KCNT2: variants seen among roughly 807,000 people sequenced by gnomAD.
The protein encoded by KCNT2 is potassium sodium-activated channel subfamily T member 2.
Under a neutral mutation model 153.8 loss-of-function variants are expected in KCNT2, and 67 were observed. That is an observed-to-expected ratio of 0.44 (90% confidence interval 0.36 to 0.53). The LOEUF is 0.53. KCNT2 is among the 20% of genes least tolerant of loss of function. The pLI, the probability that KCNT2 is intolerant of heterozygous loss-of-function variation, is 0.00. For synonymous variants in KCNT2, 500 were observed against 458.8 expected, an observed-to-expected ratio of 1.09 and a Z score of -1.15; for missense variants, 975 against 1,354.8, an observed-to-expected ratio of 0.72 and a Z score of 4.40.
At chr1:196,329,016 T>G (rs1329417207) in intron 18 of KCNT2, among the ~76,000 whole-genome samples, 1 of 152,078 alleles carries the variant, frequency 6.6e-6, no homozygotes, top group African/African-American at 2.4e-5. Flanking sequence ...TGTCAATATT[T>G]ATAAGATAAA....
At chr1:196,248,117 C>T (rs576370585) in intron 26 of KCNT2, among the ~76,000 whole-genome samples, 7 of 151,958 alleles carry the variant, frequency 4.6e-5, no homozygotes, top group South Asian at 4.2e-4. Context: ...GGAAACACAA[C>T]ATACCAAAAA....
At chr1:196,582,713 C>T (rs903768818) in intron 1 of KCNT2, among the ~76,000 whole-genome samples, 12 of 152,026 alleles carry the variant, frequency 7.9e-5, no homozygotes, top group African/African-American at 2.7e-4. Flanking sequence ...TTGAATTATT[C>T]TCTCACCACC....
intron 13 of KCNT2, among the ~76,000 whole-genome samples, chr1:196,393,293 A>G (rs1461123870): frequency 6.6e-6 from 1 of 151,546 alleles, no homozygotes. Context: ...CAGTTGAAAG[A>G]AAATTGGATG....
chr1:196,437,666 T>G (rs1233494384), intron 8 of KCNT2, among the ~76,000 whole-genome samples: 1 of 150,894 alleles, frequency 6.6e-6, no homozygotes, highest in Non-Finnish European at 1.5e-5. Context: ...TTTAGTATAA[T>G]TTCTCCATTG....
At chr1:196,253,250 C>T (rs768889934) in intron 26 of KCNT2, among the ~76,000 whole-genome samples, 4 of 150,974 alleles carry the variant, frequency 2.6e-5, no homozygotes, top group Non-Finnish European at 4.5e-5. Context: ...GTTTTATTTT[C>T]CCTCCTTCTC....
At chr1:196,434,179 T>C (rs932139891) in intron 8 of KCNT2, among the ~76,000 whole-genome samples, 3 of 152,054 alleles carry the variant, frequency 2.0e-5, no homozygotes, top group Non-Finnish European at 4.4e-5. Flanking sequence ...AAAAATGGAA[T>C]TGTATAACAC....
At chr1:196,586,826 T>C (rs964098767) in intron 1 of KCNT2, among the ~76,000 whole-genome samples, 1 of 152,142 alleles carries the variant, frequency 6.6e-6, no homozygotes, top group Non-Finnish European at 1.5e-5. Flanking sequence ...GCTCTTATTT[T>C]ATTGATAAAA....
At chr1:196,233,515 C>T (rs1654140671) in intron 27 of KCNT2, among the ~76,000 whole-genome samples, 1 of 151,282 alleles carries the variant, frequency 6.6e-6, no homozygotes, top group Non-Finnish European at 1.5e-5. Context: ...AAAAAACATT[C>T]CCTATTTAGC....
chr1:196,432,045 G>A (rs188750657), intron 8 of KCNT2, among the ~76,000 whole-genome samples: 109 of 152,128 alleles, frequency 7.2e-4, no homozygotes, highest in Non-Finnish European at 1.0e-3. Flanking sequence ...ACCAGGGCAC[G>A]TTTGGGGCCT....
Position 196,424,221 on chromosome 1 carries a change from C to T in KCNT2, c.1122-1108G>A, listed in dbSNP as rs181596627. Among the ~76,000 whole-genome samples the T allele has an allele frequency of 1.2e-3, 177 of 151,794 alleles. 2 individuals carry two copies. The highest frequency in any genetic ancestry group is 4.1e-3 in the African/African-American group (171 of 41,470). ...TGGTAATAAATTAGTTACATTAATC[C>T]TAAATAGTATATAGCTTAGATACTA... On this transcript the variant is annotated intron_variant, in intron 11 of 27. Transcript: ENST00000294725.
At position 196,602,778 on chromosome 1, in the gene KCNT2, T is replaced by TA. The variant is rs1208240102; in HGVS notation, c.95+5436_95+5437insT. ...ATATATATTCAAAGTCTATTTTTTT[T>TA]TTTTTTTTTTTTTTTTTTTGAGACG... On this transcript the variant is annotated intron_variant, in intron 1 of 27. Coordinates refer to ENST00000294725, the MANE Select transcript of KCNT2 (RefSeq NM_198503.5). 9.2e-4 allele frequency among the ~76,000 whole-genome samples: 116 copies of TA among 125,740 alleles called. 1 individual carries two copies. Among genetic ancestry groups the TA allele is most frequent in the African/African-American group, 3.1e-3 (102 of 32,684 alleles). The allele number at this position is 125,740 out of a possible 152,430, so 82.5% of individuals were successfully genotyped here. A position where few individuals can be genotyped will look rare whatever the true frequency, so the allele number is the denominator to read the frequency against.
At chr1:196,573,364 T>G (rs1214279788) in intron 1 of KCNT2, among the ~76,000 whole-genome samples, 1 of 152,234 alleles carries the variant, frequency 6.6e-6, no homozygotes, top group Non-Finnish European at 1.5e-5. Context: ...CCTTCTGTGA[T>G]GGGAATTTGC....
intron 1 of KCNT2, among the ~76,000 whole-genome samples, chr1:196,581,792 T>C (rs1470300198): frequency 1.3e-5 from 2 of 152,138 alleles, no homozygotes; most frequent in Admixed American, 6.6e-5. Context: ...TCAAATTCAC[T>C]TTCTTCCATT....
At chr1:196,309,299 G>C (rs540326703) in intron 21 of KCNT2, among the ~76,000 whole-genome samples, 7 of 151,960 alleles carry the variant, frequency 4.6e-5, no homozygotes, top group South Asian at 4.2e-4. Context: ...TTCTCACTTT[G>C]AATCAAGTTG....
intron 1 of KCNT2, among the ~76,000 whole-genome samples, chr1:196,583,034 G>A (rs1220136777): frequency 6.6e-6 from 1 of 152,068 alleles, no homozygotes; most frequent in African/African-American, 2.4e-5. Flanking sequence ...GACATGTAGA[G>A]GTGGAGTGGG....
chr1:196,480,648 G>A (rs1678925165), intron 4 of KCNT2, among the ~76,000 whole-genome samples: 3 of 151,930 alleles, frequency 2.0e-5, no homozygotes, highest in Admixed American at 2.0e-4. Context: ...GAGGTCAGGA[G>A]ATCGAGACCA....
intron 15 of KCNT2, among the ~76,000 whole-genome samples, chr1:196,341,688 AG>A (rs1665650790): frequency 6.6e-6 from 1 of 152,052 alleles, no homozygotes; most frequent in Non-Finnish European, 1.5e-5. Flanking sequence ...GGCCAAAACA[AG>A]GGCCACCATC....
At chr1:196,242,635 A>G (rs1336863140) in intron 26 of KCNT2, among the ~76,000 whole-genome samples, 1 of 152,116 alleles carries the variant, frequency 6.6e-6, no homozygotes, top group Non-Finnish European at 1.5e-5. Context: ...GTGTTCGATT[A>G]AGTCATTCAG....
chr1:196,449,932 A>T (rs553297573), intron 8 of KCNT2, among the ~76,000 whole-genome samples: 1 of 151,914 alleles, frequency 6.6e-6, no homozygotes, highest in East Asian at 2.0e-4. Context: ...TTTTATAATA[A>T]CAAAAATGTA....
Sources: gnomAD v4.1 joint callset for allele counts (sites outside exome capture counted in the v4.1 genomes callset) on GRCh38, gnomAD v4.1.1 for gene constraint, MANE v1.5 for transcripts, NCBI Gene and HGNC (gene_info 2026-07-23, HGNC 2026-07-21) for gene names.